Variants in EPHB1 observed in about 807,000 individuals in gnomAD.
The protein encoded by EPHB1 is ephrin type-B receptor 1.
A neutral mutation model predicts 94.4 loss-of-function variants in EPHB1; 30 were observed. The observed-to-expected ratio is 0.32, with a 90% CI of 0.24 to 0.43. EPHB1 has a LOEUF of 0.43. EPHB1 is among the 20% of genes least tolerant of loss of function. The pLI is 1.00. For synonymous variants in EPHB1, 522 were observed against 489.1 expected (o/e 1.07, Z -0.89); for missense variants, 1,055 against 1,308.3 (o/e 0.81, Z 2.99).
chr3:134,964,559 G>T (rs1463547274), intron 3 of EPHB1, among the ~76,000 whole-genome samples: 1 of 152,190 alleles, frequency 6.6e-6, no homozygotes, highest in African/African-American at 2.4e-5. Flanking sequence ...GCCAAATCAT[G>T]AACTTGGCAA....
intron 3 of EPHB1, among the ~76,000 whole-genome samples, chr3:135,060,050 C>G (rs116658343): frequency 6.6e-6 from 1 of 152,218 alleles, no homozygotes; most frequent in African/African-American, 2.4e-5. Context: ...ATATATTTAA[C>G]GTACTGTAAA....
intron 3 of EPHB1, among the ~76,000 whole-genome samples, chr3:135,086,959 T>C (rs549110326): frequency 6.6e-6 from 1 of 152,364 alleles, no homozygotes; most frequent in East Asian, 1.9e-4. Context: ...GCTTTGCTTA[T>C]GTAAGTCACT....
intron 1 of EPHB1, among the ~76,000 whole-genome samples, chr3:134,850,662 G>A (rs753135322): frequency 3.9e-5 from 6 of 152,194 alleles, no homozygotes; most frequent in African/African-American, 7.2e-5. Context: ...GTCTTGGTGC[G>A]GGCAGTTCAT....
In EPHB1 at chr3:134,850,673, G is replaced by A. The variant is rs186088805; in HGVS notation, c.58+54984G>A. ...AGGAGTCTTGGTGCGGGCAGTTCAT[G>A]CCAGCCCCAGAAGGCTTTGGAAATG... On this transcript the variant is annotated intron_variant, in intron 1 of 15. Transcript: ENST00000398015. Among the ~76,000 whole-genome samples the A allele has an allele frequency of 2.0e-5, 3 of 152,368 alleles. No homozygotes were observed. In the East Asian group the frequency reaches 5.8e-4, roughly 29 times the overall value.
Position 135,133,089 on chromosome 3 carries a change from G to T in EPHB1, c.1297+40G>T, listed in dbSNP as rs768013080. ...TTCTGTGCTCCTGTTTGGATGTGTG[G>T]CTGGCTCTTTGTCTCTAGGCAGGGA... is the stretch of plus-strand genomic sequence containing the variant. On this transcript the variant is annotated intron_variant, in intron 5 of 15. Transcript: ENST00000398015. The T allele has an allele frequency of 7.8e-6, 12 of 1,532,476 alleles. No homozygotes were observed. The African/African-American group carries it at 1.6e-4, about 21-fold the overall frequency. The allele number at this position is 1,532,476 out of a possible 1,614,324, so 94.9% of individuals were successfully genotyped here.
chr3:134,915,940 C>T (rs961111969), intron 1 of EPHB1, among the ~76,000 whole-genome samples: 23 of 152,136 alleles, frequency 1.5e-4, no homozygotes, highest in African/African-American at 5.1e-4. Flanking sequence ...CTGGGGCAGC[C>T]TACTTTTATT....
intron 2 of EPHB1, among the ~76,000 whole-genome samples, chr3:134,933,783 G>A (rs921176): frequency 0.027 from 4,099 of 152,236 alleles, 190 homozygotes; most frequent in African/African-American, 0.091. Context: ...GCTACCCATC[G>A]TGGTATCTTC....
intron 3 of EPHB1, among the ~76,000 whole-genome samples, chr3:135,059,123 G>A (rs1174055118): frequency 6.6e-6 from 1 of 152,158 alleles, no homozygotes. Context: ...GTTGATCCCC[G>A]ATGTGCAGCA....
Position 135,116,398 on chromosome 3 carries a change from C to T in EPHB1, c.961+9795C>T, listed in dbSNP as rs756707528. Among the ~76,000 whole-genome samples, 169 of 152,304 alleles carry T rather than the reference C, an allele frequency of 1.1e-3. 1 individual carries two copies. The highest frequency in any genetic ancestry group is 1.9e-3 in the Non-Finnish European group (131 of 68,022). ...GCTACCATCTTGGTCCCTAGCTTCT[C>T]ACAGGTGGTCCCCAGATGGCCTTTT... On this transcript the variant is annotated intron_variant, in intron 4 of 15. Transcript: ENST00000398015.
intron 1 of EPHB1, among the ~76,000 whole-genome samples, chr3:134,798,809 A>G (rs2035880626): frequency 6.6e-6 from 1 of 152,096 alleles, no homozygotes; most frequent in Non-Finnish European, 1.5e-5. Flanking sequence ...TTGGGATAGG[A>G]TCTGGAAAGC....
intron 3 of EPHB1, among the ~76,000 whole-genome samples, chr3:135,060,909 T>G (rs1937481796): frequency 1.3e-5 from 2 of 151,632 alleles, no homozygotes; most frequent in South Asian, 4.2e-4. Flanking sequence ...TTTTTTTTTG[T>G]ACCCATTCAC....
chr3:135,188,103 G>A (rs1390543192), intron 10 of EPHB1, among the ~76,000 whole-genome samples: 3 of 151,982 alleles, frequency 2.0e-5, no homozygotes, highest in African/African-American at 7.3e-5. Context: ...GGAGGCTGAG[G>A]CAGGAGAATC....
intron 1 of EPHB1, among the ~76,000 whole-genome samples, chr3:134,894,974 C>T (rs1046907235): frequency 2.6e-5 from 4 of 152,228 alleles, no homozygotes; most frequent in African/African-American, 7.2e-5. Flanking sequence ...AACAAATCTC[C>T]AGCATCTGAA....
chr3:134,887,751 A>G (rs1259516599), intron 1 of EPHB1, among the ~76,000 whole-genome samples: 1 of 152,216 alleles, frequency 6.6e-6, no homozygotes, highest in African/African-American at 2.4e-5. Context: ...GATTAATGAG[A>G]CCATATCCAT....
intron 2 of EPHB1, among the ~76,000 whole-genome samples, chr3:134,945,786 T>C (rs1158685949): frequency 6.6e-6 from 1 of 152,228 alleles, no homozygotes; most frequent in Non-Finnish European, 1.5e-5. Flanking sequence ...AGCCATTGAA[T>C]GGAAGATCTT....
chr3:135,045,276 AAAAG>A (rs1213669934), intron 3 of EPHB1, among the ~76,000 whole-genome samples: 1 of 152,140 alleles, frequency 6.6e-6, no homozygotes. Context: ...AAAAAAAAGA[AAAAG>A]AAAAAGAAAA....
At chr3:134,891,539 G>A (rs1381756118) in intron 1 of EPHB1, among the ~76,000 whole-genome samples, 4 of 152,190 alleles carry the variant, frequency 2.6e-5, no homozygotes, top group Admixed American at 2.6e-4. Flanking sequence ...AAAAAATCAA[G>A]AATGGGTGTT....
chr3:135,178,482 C>A (rs957007795), intron 9 of EPHB1, among the ~76,000 whole-genome samples: 4 of 148,368 alleles, frequency 2.7e-5, no homozygotes, highest in African/African-American at 5.0e-5. Context: ...AAAAAAAATT[C>A]TCCTCAATGG....
chr3:135,032,058 T>C (rs1254552613), intron 3 of EPHB1, among the ~76,000 whole-genome samples: 1 of 152,084 alleles, frequency 6.6e-6, no homozygotes, highest in Non-Finnish European at 1.5e-5. Context: ...TTCTGAAATT[T>C]CATGTTTCTT....
Sources: gnomAD v4.1 joint callset for allele counts (sites outside exome capture counted in the v4.1 genomes callset) on GRCh38, gnomAD v4.1.1 for gene constraint, MANE v1.5 for transcripts, NCBI Gene and HGNC (gene_info 2026-07-23, HGNC 2026-07-21) for gene names.